TRPM1: variants seen among roughly 807,000 people sequenced by gnomAD.
The protein encoded by TRPM1 is TRPM1-203 APA Isoform, Intron 10.
Under a neutral mutation model 149.4 loss-of-function variants are expected in TRPM1, and 113 were observed. The ratio of observed to expected loss-of-function variants is 0.76; its 90% CI spans 0.65 to 0.88. TRPM1 has a LOEUF of 0.88. Ranked by LOEUF, TRPM1 falls within the 40% of genes least tolerant of loss-of-function variation. The probability of loss-of-function intolerance (pLI) is 0.00; values close to 1 mark genes in which losing one functional copy is unlikely to be tolerated. For missense variants in TRPM1, 1,976 were observed against 2,038.7 expected (o/e 0.97, Z 0.59); for synonymous variants, 741 against 759.5 (o/e 0.98, Z 0.40).
At chr15:31,041,382 C>T (rs1013049972) in intron 17 of TRPM1, among the ~76,000 whole-genome samples, 1 of 152,106 alleles carries the variant, frequency 6.6e-6, no homozygotes, top group Non-Finnish European at 1.5e-5. Flanking sequence ...GATCTCCTGA[C>T]CTTGTGATCC....
intron 11 of TRPM1, among the ~76,000 whole-genome samples, chr15:31,052,117 C>T (rs4779811): frequency 0.46 from 70,395 of 152,104 alleles, 18,910 homozygotes; most frequent in East Asian, 0.94. Flanking sequence ...CCTGCCATGG[C>T]ACCCACCCAG....
At chr15:31,013,975 A>G (rs1254801286) in intron 27 of TRPM1, among the ~76,000 whole-genome samples, 6 of 152,210 alleles carry the variant, frequency 3.9e-5, no homozygotes, top group Non-Finnish European at 1.5e-5. Context: ...ACACTCAGGC[A>G]GTTTACATCT....
intron 25 of TRPM1, 104 bp from the exon 26 acceptor site, chr15:31,027,221 G>A: frequency 2.8e-6 from 3 of 1,077,538 alleles, no homozygotes; most frequent in Non-Finnish European, 4.1e-6. Context: ...TCAATGAGAT[G>A]GCCTTTTAGT....
intron 1 of TRPM1, among the ~76,000 whole-genome samples, chr15:31,141,341 G>A (rs2036159215): frequency 6.6e-6 from 1 of 152,030 alleles, no homozygotes. Context: ...ATTAATATAG[G>A]TAATTCTGTA....
chr15:31,051,402 A>C (rs2033945524), intron 11 of TRPM1, among the ~76,000 whole-genome samples: 1 of 152,186 alleles, frequency 6.6e-6, no homozygotes, highest in African/African-American at 2.4e-5. Context: ...TCTCTCCTGC[A>C]CGCACCCTGC....
chr15:31,031,613 A>T (rs187657312), intron 22 of TRPM1, among the ~76,000 whole-genome samples: 1 of 152,322 alleles, frequency 6.6e-6, no homozygotes, highest in Admixed American at 6.5e-5. Context: ...GTTACTGTGG[A>T]TACTAAACTG....
At chr15:31,014,523 A>G (rs1054874423) in intron 27 of TRPM1, among the ~76,000 whole-genome samples, 1 of 152,200 alleles carries the variant, frequency 6.6e-6, no homozygotes, top group African/African-American at 2.4e-5. Flanking sequence ...CACTTTTCTT[A>G]TCAAGATCCA....
rs2141099301 is a variant in TRPM1, at chr15:31,002,327, T to G, written c.4373A>C (p.Lys1458Thr). 14 of 1,614,260 alleles carry G rather than the reference T, an allele frequency of 8.7e-6. No homozygotes were observed. The highest frequency in any genetic ancestry group is 1.2e-5 in the Non-Finnish European group (14 of 1,180,048). ...CCGGGAATAGACGAAGCTTCTGGAC[T>G]TCATTGTTTTACAAGCATTGATCGT... ...DETINACKTMKSRSFVYSRGR... is the reference protein window; with the variant it reads ...DETINACKTMTSRSFVYSRGR... Residue 1458 changes from lysine (K) to threonine (T), a missense_variant, in exon 28 of 28, where the codon AAG becomes ACG. By Grantham distance (78) the Lys-to-Thr change is moderately conservative. Around this residue, in one of 3 missense-constraint regions of TRPM1, gnomAD observed 572 missense variants for 578.9 expected, o/e 0.99. Coordinates refer to ENST00000256552, the MANE Select transcript of TRPM1 (RefSeq NM_001252024.2).
chr15:31,147,697 C>A lies in TRPM1; in HGVS notation c.54+13209G>T, dbSNP rs950941124. On this transcript the variant is annotated intron_variant, in intron 1 of 26. Transcript: ENST00000542188. ...GGCAAAGTGCAGCTGGATGGTACCA[C>A]TCGGGGTAACTTGCGTCTTCTCTAG... Among the ~76,000 whole-genome samples the A allele has an allele frequency of 7.4e-4, 112 of 152,334 alleles. 1 individual carries two copies. The highest frequency in any genetic ancestry group is 6.8e-3 in the Middle Eastern group (2 of 294).
In TRPM1 at chr15:31,042,243, C is replaced by A. The variant is rs772825169; in HGVS notation, c.1795G>T (p.Asp599Tyr). ...TTCCCTTTAGCTGGAGGCTCATCAT[C>A]CTGAGGGGAGAAACATGGATTTCAT... ...PKALKLLGMEDDEPPAKGKKK... is the reference protein window; with the variant it reads ...PKALKLLGMEYDEPPAKGKKK... The change falls in exon 17 of 28, where the codon GAT (aspartate) becomes TAT (tyrosine). Residue 599 changes from aspartate (D) to tyrosine (Y), a missense_variant and splice_region_variant. Coordinates refer to ENST00000256552, the MANE Select transcript of TRPM1 (RefSeq NM_001252024.2). The A allele has an allele frequency of 3.2e-6, 5 of 1,568,466 alleles. No homozygotes were observed. The South Asian group carries it at 5.8e-5, about 18-fold the overall frequency.
Position 31,037,587 on chromosome 15 carries a change from C to T in TRPM1, c.2571+124G>A, listed in dbSNP as rs926837018. Reference sequence around the variant, plus strand: ...TCTCAATTAGTCCCAGTTTTGTTCTCATAATTCATTTTAATTCAGTGAATT... The same window carrying T: ...TCTCAATTAGTCCCAGTTTTGTTCTTATAATTCATTTTAATTCAGTGAATT... On this transcript the variant is annotated intron_variant, in intron 20 of 27. Transcript: ENST00000256552. The T allele has an allele frequency of 2.9e-6, 4 of 1,357,466 alleles. No homozygotes were observed. In the Admixed American group the frequency reaches 5.5e-5, roughly 19 times the overall value. 84.1% of individuals were successfully genotyped at this position (1,357,466 alleles called of 1,614,324 possible).
At position 31,027,111 on chromosome 15, in the gene TRPM1, G is replaced by A; in HGVS notation, c.3300C>T (p.Thr1100=). 2 of 1,613,866 alleles carry A rather than the reference G, an allele frequency of 1.2e-6. No individual in the cohort carries two copies. The highest frequency in any genetic ancestry group is 1.3e-5 in the African/African-American group (1 of 74,998). ...TGGATATTGATTTTACTTCAAAGAA[G>A]GTATTGCTTTAAAAAGAAGACATTT... ...VNLLIAVFNN[T]FFEVKSISNQ... Residue 1100 remains threonine, a synonymous_variant, in exon 26 of 28, where the codon ACC becomes ACT. Coordinates refer to ENST00000256552, the MANE Select transcript of TRPM1 (RefSeq NM_001252024.2).
chr15:31,134,961 G>A (rs1326417123), intron 1 of TRPM1, among the ~76,000 whole-genome samples: 4 of 152,066 alleles, frequency 2.6e-5, no homozygotes, highest in East Asian at 1.9e-4. Flanking sequence ...AGCCAAGATC[G>A]TACTCCAGCC....
intron 1 of TRPM1, among the ~76,000 whole-genome samples, chr15:31,084,585 A>G (rs1452496726): frequency 6.6e-6 from 1 of 151,994 alleles, no homozygotes; most frequent in Non-Finnish European, 1.5e-5. Flanking sequence ...TGAATTCATC[A>G]GTTGATGAAT....
intron 26 of TRPM1, 58 bp from the exon 27 acceptor site, chr15:31,026,329 G>A (rs1296138407): frequency 1.4e-5 from 22 of 1,593,544 alleles, no homozygotes; most frequent in Non-Finnish European, 1.7e-5. Context: ...GTTTCGTGGC[G>A]TCAATGAGAA....
chr15:31,144,031 G>A (rs12148622), intron 1 of TRPM1, among the ~76,000 whole-genome samples: 22,633 of 152,126 alleles, frequency 0.15, 1,914 homozygotes, highest in African/African-American at 0.24. Flanking sequence ...CAAGAGTTCC[G>A]AGCCTTACAG....
chr15:31,159,490 G>A (rs534498203), intron 1 of TRPM1, among the ~76,000 whole-genome samples: 32 of 152,112 alleles, frequency 2.1e-4, no homozygotes, highest in Non-Finnish European at 4.1e-4. Flanking sequence ...GTGCATTTGC[G>A]AATGTGAACT....
chr15:31,113,194 G>C (rs552144134), intron 1 of TRPM1, among the ~76,000 whole-genome samples: 1 of 152,140 alleles, frequency 6.6e-6, no homozygotes, highest in South Asian at 2.1e-4. Context: ...TTCTCCAGCT[G>C]GTGAATGGTA....
intron 27 of TRPM1, among the ~76,000 whole-genome samples, chr15:31,016,962 T>TACAC (rs36176052): frequency 2.3e-4 from 21 of 89,470 alleles, no homozygotes; most frequent in East Asian, 2.5e-4. Flanking sequence ...AAACCTGGCG[T>TACAC]ACACACACAC....
Sources: gnomAD v4.1 joint callset for allele counts (sites outside exome capture counted in the v4.1 genomes callset) on GRCh38, gnomAD v4.1.1 for gene constraint, gnomAD v4.1.1 regional missense constraint, MANE v1.5 for transcripts, NCBI Gene and HGNC (gene_info 2026-07-23, HGNC 2026-07-21) for gene names.